KIAA0232: variants seen among roughly 807,000 people sequenced by gnomAD.
KIAA0232 encodes the protein uncharacterized protein KIAA0232.
KIAA0232 carries 27 observed loss-of-function variants against 122.0 expected under a neutral mutation model. The ratio of observed to expected loss-of-function variants is 0.22; its 90% CI spans 0.16 to 0.31. KIAA0232 has a LOEUF of 0.31. Ranked by LOEUF, KIAA0232 falls within the 10% of genes least tolerant of loss-of-function variation. KIAA0232 has a pLI of 1.00. For synonymous variants in KIAA0232, 613 were observed against 587.6 expected (o/e 1.04, Z -0.63); for missense variants, 1,551 against 1,634.2 (o/e 0.95, Z 0.88).
chr4:6,797,770 T>A (rs1358595064), intron 1 of KIAA0232, among the ~76,000 whole-genome samples: 24 of 50,816 alleles, frequency 4.7e-4, no homozygotes, highest in Admixed American at 1.4e-3. Flanking sequence ...ACCCTGCCTC[T>A]CAAAAAAAAA....
chr4:6,787,072 T>C (rs1009594085), intron 1 of KIAA0232, among the ~76,000 whole-genome samples: 3 of 151,086 alleles, frequency 2.0e-5, no homozygotes, highest in Non-Finnish European at 4.4e-5. Flanking sequence ...TCCCAGCTAC[T>C]TGGGAGGCTG....
intron 4 of KIAA0232, among the ~76,000 whole-genome samples, chr4:6,853,917 C>T (rs1479997263): frequency 1.3e-5 from 2 of 152,132 alleles, no homozygotes; most frequent in African/African-American, 2.4e-5. Context: ...GGCTCAGTCT[C>T]CATCATCATT....
chr4:6,798,418 A>G (rs1230751725), intron 1 of KIAA0232, among the ~76,000 whole-genome samples: 3 of 152,166 alleles, frequency 2.0e-5, no homozygotes, highest in Non-Finnish European at 2.9e-5. Context: ...CACCTGTCCC[A>G]CCTTAACCTG....
At chr4:6,801,678 A>G (rs1192738551) in intron 1 of KIAA0232, among the ~76,000 whole-genome samples, 1 of 145,384 alleles carries the variant, frequency 6.9e-6, no homozygotes, top group Non-Finnish European at 1.5e-5. Context: ...GACGAAAAGG[A>G]AAAAAAAAAA....
At chr4:6,821,239 C>G (rs750989798) in intron 2 of KIAA0232, among the ~76,000 whole-genome samples, 12 of 151,782 alleles carry the variant, frequency 7.9e-5, no homozygotes, top group Non-Finnish European at 1.2e-4. Flanking sequence ...TTTTTTATTT[C>G]CATAGGTTTT....
chr4:6,791,608 C>T (rs777786298), intron 1 of KIAA0232, among the ~76,000 whole-genome samples: 34 of 152,178 alleles, frequency 2.2e-4, no homozygotes, highest in Non-Finnish European at 2.9e-4. Flanking sequence ...GGATTACAGG[C>T]GTAAACCACT....
intron 8 of KIAA0232, among the ~76,000 whole-genome samples, chr4:6,871,965 G>A (rs1721516164): frequency 6.6e-6 from 1 of 152,222 alleles, no homozygotes; most frequent in Non-Finnish European, 1.5e-5. Flanking sequence ...GGAGGAAACA[G>A]CGGGCAGTCC....
At chr4:6,878,545 C>T (rs1042867423) in intron 9 of KIAA0232, among the ~76,000 whole-genome samples, 3 of 152,206 alleles carry the variant, frequency 2.0e-5, no homozygotes, top group African/African-American at 7.2e-5. Flanking sequence ...AAGACAATTA[C>T]AGTCCTGGTT....
At chr4:6,833,688 A>G (rs1387174862) in intron 3 of KIAA0232, among the ~76,000 whole-genome samples, 1 of 152,194 alleles carries the variant, frequency 6.6e-6, no homozygotes, top group African/African-American at 2.4e-5. Context: ...TACTGATGGA[A>G]GAGTATATAC....
intron 1 of KIAA0232, among the ~76,000 whole-genome samples, chr4:6,797,605 T>TA (rs912676261): frequency 7.3e-4 from 104 of 142,214 alleles, no homozygotes; most frequent in Admixed American, 1.3e-3. Flanking sequence ...TCCCATCTCT[T>TA]AAAAAAAAAA....
chr4:6,870,153 C>T (rs1721397240), intron 7 of KIAA0232, among the ~76,000 whole-genome samples: 1 of 152,208 alleles, frequency 6.6e-6, no homozygotes, highest in African/African-American at 2.4e-5. Context: ...TACAAGGACT[C>T]TTCTTGGTCA....
intron 4 of KIAA0232, among the ~76,000 whole-genome samples, chr4:6,847,248 G>A (rs1720014348): frequency 6.6e-6 from 1 of 152,140 alleles, no homozygotes; most frequent in African/African-American, 2.4e-5. Context: ...TTCTATAAAA[G>A]CATCCATAGT....
chr4:6,817,817 A>G (rs1395279490), intron 2 of KIAA0232, among the ~76,000 whole-genome samples: 1 of 152,118 alleles, frequency 6.6e-6, no homozygotes, highest in East Asian at 1.9e-4. Flanking sequence ...TTGCAGTTCT[A>G]CCAATTTTTG....
At chr4:6,827,598 A>G (rs1301505255) in intron 3 of KIAA0232, among the ~76,000 whole-genome samples, 1 of 152,192 alleles carries the variant, frequency 6.6e-6, no homozygotes, top group Non-Finnish European at 1.5e-5. Flanking sequence ...AAGACCCATC[A>G]CTTTTCTGTT....
chr4:6,849,994 T>C (rs1050404721), intron 4 of KIAA0232, among the ~76,000 whole-genome samples: 3 of 152,188 alleles, frequency 2.0e-5, no homozygotes, highest in Non-Finnish European at 2.9e-5. Context: ...TTTGTTAATC[T>C]AGCCCAGATC....
chr4:6,845,370 A>T (rs1446159655), intron 4 of KIAA0232, among the ~76,000 whole-genome samples: 3 of 152,022 alleles, frequency 2.0e-5, no homozygotes, highest in East Asian at 1.9e-4. Flanking sequence ...TTTTAATTTT[A>T]AAAAATACAG....
At chr4:6,803,204 C>CATATATATATATAT (rs34234535) in intron 1 of KIAA0232, among the ~76,000 whole-genome samples, 4 of 141,566 alleles carry the variant, frequency 2.8e-5, no homozygotes, top group African/African-American at 1.0e-4. Flanking sequence ...AAAATGAGTG[C>CATATATATATATAT]ATATATATAT....
chr4:6,872,128 G>A (rs114224627), intron 8 of KIAA0232, among the ~76,000 whole-genome samples: 229 of 152,314 alleles, frequency 1.5e-3, no homozygotes, highest in African/African-American at 5.3e-3. Context: ...GTTAGGTAGC[G>A]TCTGACATGC....
At chr4:6,836,336 G>GTT (rs572669996) in intron 3 of KIAA0232, among the ~76,000 whole-genome samples, 13 of 136,326 alleles carry the variant, frequency 9.5e-5, no homozygotes, top group African/African-American at 2.6e-4. Flanking sequence ...TTTTTGTTTT[G>GTT]TTTTTTTTTT....
Sources: gnomAD v4.1 joint callset for allele counts (sites outside exome capture counted in the v4.1 genomes callset) on GRCh38, gnomAD v4.1.1 for gene constraint, MANE v1.5 for transcripts, NCBI Gene and HGNC (gene_info 2026-07-23, HGNC 2026-07-21) for gene names.